TENM4: variants seen among roughly 807,000 people sequenced by gnomAD.
TENM4 encodes the protein teneurin-4.
A neutral mutation model predicts 243.3 loss-of-function variants in TENM4; 82 were observed. That is an observed-to-expected ratio of 0.34 (90% CI 0.28 to 0.40). The LOEUF (loss-of-function observed/expected upper bound fraction) is 0.40, where lower values mean the gene tolerates loss of function less well. Ranked by LOEUF, TENM4 falls within the 10% of genes least tolerant of loss-of-function variation. The probability of loss-of-function intolerance (pLI) is 1.00; values close to 1 mark genes in which losing one functional copy is unlikely to be tolerated. For synonymous variants in TENM4, 1,412 were observed against 1,456.3 expected (o/e 0.97, Z 0.69); for missense variants, 3,138 against 3,673.3 (o/e 0.85, Z 3.77).
intron 3 of TENM4, among the ~76,000 whole-genome samples, chr11:79,209,255 C>A (rs1423004766): frequency 1.3e-5 from 2 of 152,178 alleles, no homozygotes; most frequent in Non-Finnish European, 2.9e-5. Context: ...AGAGCAGCAA[C>A]ATCCACAGCA....
At chr11:79,202,058 C>T (rs1047864988) in intron 3 of TENM4, among the ~76,000 whole-genome samples, 2 of 151,716 alleles carry the variant, frequency 1.3e-5, no homozygotes, top group Admixed American at 1.3e-4. Context: ...GGTCCACTGA[C>T]TAAGATGGGA....
chr11:78,730,964 T>C (rs536482344), intron 21 of TENM4, among the ~76,000 whole-genome samples: 1 of 152,370 alleles, frequency 6.6e-6, no homozygotes, highest in South Asian at 2.1e-4. Flanking sequence ...CAAAAATATT[T>C]ACCTTCTTTA....
intron 6 of TENM4, chr11:78,903,739 C>G (rs1855995619): frequency 3.8e-6 from 3 of 782,940 alleles, no homozygotes; most frequent in East Asian, 2.7e-5. Flanking sequence ...CAAAAATTCC[C>G]GTCCCCACTG....
chr11:79,259,089 C>T (rs566240320), intron 2 of TENM4, among the ~76,000 whole-genome samples: 81 of 152,308 alleles, frequency 5.3e-4, no homozygotes, highest in Middle Eastern at 3.4e-3. Context: ...GCTCGTATTT[C>T]TCAAAGGAGT....
intron 6 of TENM4, among the ~76,000 whole-genome samples, chr11:79,015,632 C>A (rs1247165731): frequency 6.6e-6 from 1 of 152,072 alleles, no homozygotes; most frequent in African/African-American, 2.4e-5. Flanking sequence ...ATGGAAGAAC[C>A]AGAGAAAGGC....
At chr11:78,742,722 A>G (rs1412249008) in intron 19 of TENM4, among the ~76,000 whole-genome samples, 1 of 152,212 alleles carries the variant, frequency 6.6e-6, no homozygotes, top group East Asian at 1.9e-4. Context: ...GCCGACGCCA[A>G]CAAGGGAAAA....
chr11:79,037,015 C>CAAAAAAAAAAAAAAAAAAAAAAAAAA (rs369421583), intron 6 of TENM4, among the ~76,000 whole-genome samples: 1 of 91,084 alleles, frequency 1.1e-5, no homozygotes, highest in African/African-American at 3.7e-5. Context: ...GACTCCATCT[C>CAAAAAAAAAAAAAAAAAAAAAAAAAA]AAAAAAAAAA....
At chr11:78,715,917 C>A (rs1046205968) in intron 25 of TENM4, among the ~76,000 whole-genome samples, 4 of 152,226 alleles carry the variant, frequency 2.6e-5, no homozygotes, top group African/African-American at 9.6e-5. Flanking sequence ...CACCTGTCTG[C>A]AGAACAGAGC....
In TENM4 at chr11:78,676,295, G is replaced by A; in HGVS notation, c.5353C>T (p.His1785Tyr). The A allele has an allele frequency of 6.2e-7, 1 of 1,612,870 alleles. No individual in the cohort carries two copies. Among genetic ancestry groups the A allele is most frequent in the Non-Finnish European group, 8.5e-7 (1 of 1,179,014 alleles). Residue 1785 changes from histidine to tyrosine, a missense_variant, in exon 30 of 34, where the codon CAC becomes TAC. This residue lies in a region of TENM4 where 2,467 missense variants were observed against 3,059.1 expected (regional missense o/e 0.81). Transcript: ENST00000278550. ...GMEVALQTEP[H>Y]LLAGTVNPTV... ...GGGTTGACGGTGCCAGCCAGCAAGT[G>A]GGGCTCAGTCTGCAGCGCCACCTCC...
At chr11:79,237,891 A>G (rs1289960348) in intron 2 of TENM4, among the ~76,000 whole-genome samples, 4 of 152,112 alleles carry the variant, frequency 2.6e-5, no homozygotes, top group African/African-American at 9.7e-5. Context: ...CTCTAACCAT[A>G]CACACTGTTA....
At chr11:79,171,528 G>A (rs192756610) in intron 3 of TENM4, among the ~76,000 whole-genome samples, 1 of 152,292 alleles carries the variant, frequency 6.6e-6, no homozygotes, top group Non-Finnish European at 1.5e-5. Flanking sequence ...CCTTTAAATA[G>A]AGAGTCCCCA....
chr11:79,033,525 A>G (rs931792615), intron 6 of TENM4, among the ~76,000 whole-genome samples: 3 of 152,232 alleles, frequency 2.0e-5, no homozygotes, highest in Admixed American at 6.5e-5. Flanking sequence ...TGAAATGGCT[A>G]CTAGAGAGCT....
rs1378123586 is a variant in TENM4 at position 79,019,815 on chromosome 11, T to A, written c.493+44923A>T. 5.9e-5 allele frequency among the ~76,000 whole-genome samples: 9 copies of A among 152,222 alleles called. No homozygotes were observed. The East Asian group carries it at 1.7e-3, about 29-fold the overall frequency. ...GAAATTAGAAGGCAGCATTGGGAGT[T>A]AAGGGAACATCCCCTCCAAGCAAGA... On this transcript the variant is annotated intron_variant, in intron 6 of 33. Transcript: ENST00000278550.
At chr11:78,860,035 A>G (rs986388658) in intron 10 of TENM4, among the ~76,000 whole-genome samples, 12 of 152,238 alleles carry the variant, frequency 7.9e-5, no homozygotes, top group African/African-American at 2.2e-4. Flanking sequence ...CTGCAGTTTC[A>G]TGTTATTCTC....
At chr11:79,189,153 T>C (rs1863431865) in intron 3 of TENM4, among the ~76,000 whole-genome samples, 1 of 152,248 alleles carries the variant, frequency 6.6e-6, no homozygotes, top group African/African-American at 2.4e-5. Context: ...ATGCAAAATT[T>C]CATGTTGTCA....
In TENM4 at chr11:79,400,660, T is replaced by G. The variant is rs553710819; in HGVS notation, c.-321+39849A>C. Among the ~76,000 whole-genome samples the G allele has an allele frequency of 7.5e-4, 114 of 152,316 alleles. 3 individuals are homozygous for G. The South Asian group carries it at 0.023, about 31-fold the overall frequency. On this transcript the variant is annotated intron_variant, in intron 1 of 33. Coordinates refer to ENST00000278550, the MANE Select transcript of TENM4 (RefSeq NM_001098816.3). ...GTTTCCTTGCTTACAAAATGGCAAT[T>G]GTAATAGTGCCTGTGTCACAGAGCT... is the stretch of plus-strand genomic sequence containing the variant.
intron 6 of TENM4, among the ~76,000 whole-genome samples, chr11:78,991,907 G>A (rs1050530958): frequency 6.6e-6 from 1 of 152,226 alleles, no homozygotes; most frequent in Non-Finnish European, 1.5e-5. Context: ...ATGGGAACAG[G>A]AGGGGTGGCA....
At chr11:79,027,996 A>G (rs1189239688) in intron 6 of TENM4, among the ~76,000 whole-genome samples, 4 of 152,180 alleles carry the variant, frequency 2.6e-5, no homozygotes, top group African/African-American at 9.7e-5. Flanking sequence ...AAGAACCTCA[A>G]ATAAACCCTG....
At chr11:78,706,686 C>T (rs1476071572) in intron 27 of TENM4, among the ~76,000 whole-genome samples, 2 of 152,180 alleles carry the variant, frequency 1.3e-5, no homozygotes, top group African/African-American at 2.4e-5. Context: ...TCTTCCAAGC[C>T]TTTGATCCGG....
Sources: gnomAD v4.1 joint callset for allele counts (sites outside exome capture counted in the v4.1 genomes callset) on GRCh38, gnomAD v4.1.1 for gene constraint, gnomAD v4.1.1 regional missense constraint, MANE v1.5 for transcripts, NCBI Gene and HGNC (gene_info 2026-07-23, HGNC 2026-07-21) for gene names.